DLG3: variants seen among roughly 807,000 people sequenced by gnomAD.
DLG3 encodes discs large MAGUK scaffold protein 3.
DLG3 carries 1 observed loss-of-function variant against 64.1 expected under a neutral mutation model. The observed-to-expected ratio is 0.02, with a 90% confidence interval of 0.01 to 0.07. The LOEUF (loss-of-function observed/expected upper bound fraction) is 0.07. Among genes scored for constraint, DLG3 ranks in the 10% least tolerant of loss-of-function variants. The pLI is 1.00. For synonymous variants in DLG3, 245 were observed against 259.8 expected (o/e 0.94, Z 0.55); for missense variants, 429 against 669.5 (o/e 0.64, Z 3.96).
intron 13 of DLG3, chrX:70,497,308 T>A: frequency 1.1e-6 from 1 of 940,773 alleles, no homozygotes; most frequent in Non-Finnish European, 1.5e-6. Flanking sequence ...CTGCCATTGC[T>A]GCTCAGAGGC....
chrX:70,473,447 G>A (rs994059736), intron 9 of DLG3, among the ~76,000 whole-genome samples: 1 of 111,295 alleles, frequency 9.0e-6, no homozygotes, highest in African/African-American at 3.3e-5. Context: ...CTCTCTCTTA[G>A]CATTTTCTTC....
At chrX:70,446,252 GGTGT>G (rs1415858861) in intron 1 of DLG3, among the ~76,000 whole-genome samples, 1 of 110,056 alleles carries the variant, frequency 9.1e-6, no homozygotes, top group African/African-American at 3.3e-5. Flanking sequence ...GCGTGTGCCT[GGTGT>G]GTGTGTGTGA....
At position 70,451,920 on chromosome X, in the gene DLG3, C is replaced by T. The variant is rs771175894; in HGVS notation, c.1039C>T (p.Leu347Phe). The change falls in exon 7 of 19, where the codon CTC becomes TTC. Residue 347 changes from leucine to phenylalanine, a missense_variant. Leu to Phe is a conservative substitution (Grantham distance 22). Coordinates refer to ENST00000374360, the MANE Select transcript of DLG3 (RefSeq NM_021120.4). ...HISHNSSLGY[L>F]GAVESKVSYP... ...AAGCCATAATTCCAGCCTGGGTTAT[C>T]TCGGGGCTGTGGAGAGCAAGGTCAG... 1 of 1,209,591 alleles carries T rather than the reference C, an allele frequency of 8.3e-7. No individual in the cohort carries two copies. Among genetic ancestry groups the T allele is most frequent in the East Asian group, 3.0e-5 (1 of 33,728 alleles).
At chrX:70,491,086 T>C (rs763128083) in intron 10 of DLG3, among the ~76,000 whole-genome samples, 2 of 111,041 alleles carry the variant, frequency 1.8e-5, no homozygotes, top group South Asian at 7.8e-4. Context: ...CTAATTTTTG[T>C]AGTTTTAGTA....
Position 70,452,318 on chromosome X carries a change from C to G in DLG3, c.1145+292C>G, listed in dbSNP as rs1462072583. 6 of 1,023,234 alleles carry G rather than the reference C, an allele frequency of 5.9e-6. No individual in the cohort carries two copies. The Admixed American group carries it at 2.6e-4, about 45-fold the overall frequency. 84.3% of individuals were successfully genotyped at this position (1,023,234 alleles called of 1,213,427 possible). On this transcript the variant is annotated intron_variant, in intron 7 of 18. Transcript: ENST00000374360. ...TGGAGCGTTTAGGGGGCTGAGGAGG[C>G]GAGGGCAGCGGAGTTTCCTGCCCTG...
In DLG3 at chrX:70,450,166, C is replaced by T; in HGVS notation, c.704-3C>T. The T allele has an allele frequency of 4.1e-6, 5 of 1,211,074 alleles. No homozygotes were observed. Among genetic ancestry groups the T allele is most frequent in the Non-Finnish European group, 5.6e-6 (5 of 895,093 alleles). On this transcript the variant is annotated splice_polypyrimidine_tract_variant and splice_region_variant and intron_variant, in intron 4 of 18. Coordinates refer to ENST00000374360, the MANE Select transcript of DLG3 (RefSeq NM_021120.4). ...CTCCCACCTCCTGCTGGCTCCCGCT[C>T]AGGCCTGGGTTTCAGCATTGCTGGG...
chrX:70,485,203 T>C (rs773606099), intron 10 of DLG3, among the ~76,000 whole-genome samples: 4 of 111,467 alleles, frequency 3.6e-5, no homozygotes, highest in African/African-American at 1.3e-4. Flanking sequence ...CTCCATCCCC[T>C]GTAGCTAGGT....
intron 9 of DLG3, among the ~76,000 whole-genome samples, chrX:70,468,197 G>A (rs1020067526): frequency 9.0e-6 from 1 of 111,543 alleles, no homozygotes; most frequent in African/African-American, 3.3e-5. Flanking sequence ...AGCCTCCTGA[G>A]TAGCTGGGAT....
chrX:70,457,396 A>G (rs1446646323), intron 9 of DLG3, among the ~76,000 whole-genome samples: 2 of 112,072 alleles, frequency 1.8e-5, no homozygotes, highest in Non-Finnish European at 3.8e-5. Context: ...AGCCTTTAGC[A>G]TGAGAGATTT....
At chrX:70,466,732 GC>G (rs2086893908) in intron 9 of DLG3, among the ~76,000 whole-genome samples, 1 of 110,830 alleles carries the variant, frequency 9.0e-6, no homozygotes, top group Non-Finnish European at 1.9e-5. Flanking sequence ...GAGGCACTGC[GC>G]CCAGCCTGTT....
intron 1 of DLG3, 139 bp downstream of exon 1, chrX:70,445,697 G>C: frequency 3.5e-6 from 2 of 573,222 alleles, no homozygotes; most frequent in Non-Finnish European, 5.7e-6. Flanking sequence ...GCTGGGCAAA[G>C]AGAGGCGGTG....
chrX:70,456,646 C>T (rs2086712774), intron 9 of DLG3, among the ~76,000 whole-genome samples: 1 of 111,912 alleles, frequency 8.9e-6, no homozygotes. Flanking sequence ...GGCCTTTCTT[C>T]TCTTAGGATT....
At chrX:70,479,755 C>G (rs1388351479) in intron 10 of DLG3, among the ~76,000 whole-genome samples, 2 of 111,024 alleles carry the variant, frequency 1.8e-5, no homozygotes, top group African/African-American at 6.6e-5. Context: ...TGATTCCATT[C>G]CCCCCTCACC....
intron 12 of DLG3, chrX:70,493,442 GA>G: frequency 8.3e-7 from 1 of 1,208,647 alleles, no homozygotes; most frequent in Non-Finnish European, 1.1e-6. Flanking sequence ...CAAGAGCAAA[GA>G]AAACATGGCC....
intron 3 of DLG3, 29 bp downstream of exon 3, chrX:70,449,512 G>A: frequency 1.7e-6 from 2 of 1,209,641 alleles, no homozygotes; most frequent in Non-Finnish European, 2.2e-6. Flanking sequence ...AGGGTTGTGG[G>A]TGGCAGGGAC....
At chrX:70,492,670 T>A in intron 12 of DLG3, 74 bp downstream of exon 12, 1 of 934,104 alleles carries the variant, frequency 1.1e-6, no homozygotes, top group Non-Finnish European at 1.5e-6. Context: ...GTCTGATGTG[T>A]AGGAGAACTG....
chrX:70,480,777 T>C (rs1404151572), intron 10 of DLG3, among the ~76,000 whole-genome samples: 3 of 112,154 alleles, frequency 2.7e-5, no homozygotes, highest in Non-Finnish European at 5.6e-5. Context: ...AGCTGCTCTT[T>C]AGGCAAGACA....
chrX:70,504,462 C>G lies in DLG3; in HGVS notation c.*2193C>G, dbSNP rs931667036. On this transcript the variant is annotated 3_prime_UTR_variant, in exon 19 of 19. Transcript: ENST00000374360. ...CCAAACTTTTGGGGGCCAGAGGGCT[C>G]TCTCCTTAGTGATGATCAGCTAGCC... 8 of 112,126 alleles carry G rather than the reference C, an allele frequency of 7.1e-5. No individual in the cohort carries two copies. Among genetic ancestry groups the G allele is most frequent in the Non-Finnish European group, 1.1e-4 (6 of 53,165 alleles). 9.2% of individuals were successfully genotyped at this position (112,126 alleles called of 1,213,427 possible).
intron 10 of DLG3, among the ~76,000 whole-genome samples, chrX:70,489,392 G>A (rs1411082042): frequency 9.0e-6 from 1 of 110,606 alleles, no homozygotes; most frequent in Admixed American, 9.6e-5. Flanking sequence ...AACCTCTGCC[G>A]CCTGGGCTCA....
Sources: gnomAD v4.1 joint callset for allele counts (sites outside exome capture counted in the v4.1 genomes callset) on GRCh38, gnomAD v4.1.1 for gene constraint, MANE v1.5 for transcripts, NCBI Gene and HGNC (gene_info 2026-07-23, HGNC 2026-07-21) for gene names.